Variants in IQGAP3 observed in about 807,000 individuals in gnomAD.
IQGAP3 encodes the protein IQ motif containing GTPase activating protein 3, also known as ras GTPase-activating-like protein IQGAP3.
IQGAP3 carries 165 observed loss-of-function variants against 208.2 expected under a neutral mutation model. The observed-to-expected ratio is 0.79, with a 90% confidence interval of 0.70 to 0.90. IQGAP3 has a LOEUF of 0.90. IQGAP3 is among the 40% of genes least tolerant of loss of function. IQGAP3 has a pLI of 0.00. For synonymous variants in IQGAP3, 703 were observed against 803.6 expected (o/e 0.87, Z 2.12); for missense variants, 1,811 against 2,043.1 (o/e 0.89, Z 2.19).
chr1:156,533,545 T>C (rs898434533), intron 31 of IQGAP3, among the ~76,000 whole-genome samples: 3 of 152,184 alleles, frequency 2.0e-5, no homozygotes, highest in Non-Finnish European at 2.9e-5. Flanking sequence ...TCAGATCATT[T>C]CATTGACCGT....
chr1:156,565,497 T>C (rs1309367495), intron 4 of IQGAP3, among the ~76,000 whole-genome samples: 1 of 152,198 alleles, frequency 6.6e-6, no homozygotes, highest in African/African-American at 2.4e-5. Context: ...TGCCTTCATT[T>C]GTATAGCTCT....
Position 156,564,840 on chromosome 1 carries a change from C to A in IQGAP3, c.361-149G>T, listed in dbSNP as rs528609146. The A allele has an allele frequency of 1.3e-4, 83 of 645,680 alleles. No individual in the cohort carries two copies. The African/African-American group carries it at 1.4e-3, about 11-fold the overall frequency. The allele number at this position is 645,680 out of a possible 1,614,324, so 40.0% of individuals were successfully genotyped here. A position where few individuals can be genotyped will look rare whatever the true frequency, so the allele number is the denominator to read the frequency against. Reference sequence around the variant, plus strand: ...GGTGTCTAGGTCAGTCTCCCCCAACCATTTCTAGTCAGCCTAGTATAAAAG... The same window carrying A: ...GGTGTCTAGGTCAGTCTCCCCCAACAATTTCTAGTCAGCCTAGTATAAAAG... On this transcript the variant is annotated intron_variant, in intron 4 of 37. Transcript: ENST00000361170.
chr1:156,552,793 G>T (rs114354620), intron 13 of IQGAP3, among the ~76,000 whole-genome samples: 2 of 152,218 alleles, frequency 1.3e-5, no homozygotes, highest in African/African-American at 2.4e-5. Flanking sequence ...AGATCAGATC[G>T]CTGGGCACGG....
rs775509630 is a variant in IQGAP3 at position 156,526,546 on chromosome 1, C to T, written c.4836G>A (p.Lys1612=). ...TGAGAAGGTTGACATTGACTTTGGC[C>T]TTGTTGAAGAGTTTCATGACAGCCA... ...EGVAVMKLFN[K]AKVNVNLLIF... Residue 1612 remains lysine, a synonymous_variant, in exon 38 of 38, where the codon AAG becomes AAA. Coordinates refer to ENST00000361170, the MANE Select transcript of IQGAP3 (RefSeq NM_178229.5). 1.2e-6 allele frequency: 2 copies of T among 1,614,076 alleles called. No individual in the cohort carries two copies. Among genetic ancestry groups the T allele is most frequent in the Admixed American group, 3.3e-5 (2 of 60,016 alleles).
At position 156,537,294 on chromosome 1, in the gene IQGAP3, C is replaced by T; in HGVS notation, c.3309G>A (p.Glu1103=). 1 of 1,613,790 alleles carries T rather than the reference C, an allele frequency of 6.2e-7. No homozygotes were observed. Among genetic ancestry groups the T allele is most frequent in the Non-Finnish European group, 8.5e-7 (1 of 1,179,856 alleles). ...RSHLPYDVTP[E]QALSHPEVQR... is the part of the protein sequence containing the mutation. ...GGACCTCGGGGTGGCTCAAGGCCTG[C>T]TCCGGGGTGACATCATATGGGAGAT... The change falls in exon 27 of 38, where the codon GAG becomes GAA. Residue 1103 remains glutamate (E), a synonymous_variant. Coordinates refer to ENST00000361170, the MANE Select transcript of IQGAP3 (RefSeq NM_178229.5).
chr1:156,535,501 A>G (rs1674648071), intron 27 of IQGAP3, among the ~76,000 whole-genome samples: 1 of 152,032 alleles, frequency 6.6e-6, no homozygotes, highest in South Asian at 2.1e-4. Flanking sequence ...AATCTCTCAC[A>G]CAGCCTCCAA....
chr1:156,534,475 G>T (rs1674586460), intron 29 of IQGAP3, 26 bp downstream of exon 29: 1 of 1,479,992 alleles, frequency 6.8e-7, no homozygotes, highest in Non-Finnish European at 9.2e-7. Flanking sequence ...GGAAGAAAGG[G>T]GACAGAGAGG....
chr1:156,546,666 T>C (rs1675257193), intron 19 of IQGAP3, among the ~76,000 whole-genome samples: 1 of 152,158 alleles, frequency 6.6e-6, no homozygotes, highest in Non-Finnish European at 1.5e-5. Flanking sequence ...GTGAGTACCA[T>C]CATTATGAAT....
Position 156,540,929 on chromosome 1 carries a change from G to C in IQGAP3, c.2531-13C>G, listed in dbSNP as rs369487701. ...TGGGGTGCATGCACTGGGAGGAAGG[G>C]AGGAGGCATCAGGATTAGCCATGCC... On this transcript the variant is annotated splice_polypyrimidine_tract_variant and intron_variant, in intron 22 of 37. Transcript: ENST00000361170. 50 of 1,610,062 alleles carry C rather than the reference G, an allele frequency of 3.1e-5. No homozygotes were observed. Among genetic ancestry groups the C allele is most frequent in the Non-Finnish European group, 4.0e-5 (47 of 1,177,178 alleles).
rs779762890 is a variant in IQGAP3, at chr1:156,551,974, G to C, written c.1570C>G (p.Arg524Gly). 6.2e-6 allele frequency: 10 copies of C among 1,613,602 alleles called. No individual in the cohort carries two copies. The South Asian group carries it at 9.9e-5, about 16-fold the overall frequency. Residue 524 changes from arginine (R) to glycine (G), a missense_variant and splice_region_variant, in exon 14 of 38, where the codon CGG becomes GGG. Transcript: ENST00000361170. ...VNAQTQEETD[R>G]VLAVSLINEA... The stretch of plus-strand genomic sequence containing the variant: ...CCACCCAGCTCCAGACTATACTTAC[G>C]GTCAGTCTCTTCCTGGGTCTGTGCA...
chr1:156,564,615 C>G lies in IQGAP3; in HGVS notation c.437G>C (p.Ser146Thr). 1.2e-6 allele frequency: 2 copies of G among 1,609,320 alleles called. No individual in the cohort carries two copies. Among genetic ancestry groups the G allele is most frequent in the Non-Finnish European group, 1.7e-6 (2 of 1,175,618 alleles). ...GATGATAAAATTTGAGGTCTCTCAC[C>G]TGAGAGCATGGATGCAGTAGACTAC... is the stretch of plus-strand genomic sequence containing the variant. ...PRVVYCIHAL[S>T]LFLFRLGLAP... Residue 146 changes from serine to threonine, a missense_variant and splice_region_variant, in exon 5 of 38, where the codon AGT (serine) becomes ACT (threonine). Physicochemically the swap from Ser to Thr is moderately conservative, Grantham distance 58. Transcript: ENST00000361170.
chr1:156,537,353 G>A, intron 26 of IQGAP3, 32 bp from the exon 27 acceptor site: 2 of 1,580,854 alleles, frequency 1.3e-6, no homozygotes, highest in Non-Finnish European at 1.7e-6. Flanking sequence ...GTGTAAGCAG[G>A]AGCCCCCTCC....
chr1:156,529,925 A>G (rs1448255615), intron 34 of IQGAP3, among the ~76,000 whole-genome samples, 180 bp downstream of exon 34: 3 of 148,440 alleles, frequency 2.0e-5, no homozygotes, highest in African/African-American at 7.8e-5. Flanking sequence ...TCAAAAAAAA[A>G]AAAAAAAAAG....
chr1:156,553,701 C>A (rs1172661302), intron 13 of IQGAP3, among the ~76,000 whole-genome samples: 1 of 151,578 alleles, frequency 6.6e-6, no homozygotes, highest in African/African-American at 2.4e-5. Flanking sequence ...CCTGCCTTAG[C>A]TCCCAGAGTA....
At chr1:156,550,215 C>T in intron 16 of IQGAP3, 46 bp downstream of exon 16, 1 of 1,361,188 alleles carries the variant, frequency 7.3e-7, no homozygotes. Context: ...GCTGAGCCCA[C>T]ATCACCATCC....
intron 26 of IQGAP3, 97 bp downstream of exon 26, chr1:156,538,712 T>A (rs1557924388): frequency 2.0e-6 from 2 of 1,018,840 alleles, no homozygotes; most frequent in Non-Finnish European, 1.5e-6. Context: ...ATATGCCACC[T>A]TCAAAGTACA....
chr1:156,571,650 T>A (rs1303234491), intron 1 of IQGAP3, among the ~76,000 whole-genome samples: 1 of 152,196 alleles, frequency 6.6e-6, no homozygotes, highest in African/African-American at 2.4e-5. Context: ...TGGGAGGGAT[T>A]TTGTACATAC....
chr1:156,551,628 G>C (rs1675549952), intron 15 of IQGAP3, 77 bp downstream of exon 15: 1 of 1,437,018 alleles, frequency 7.0e-7, no homozygotes, highest in African/African-American at 1.4e-5. Context: ...ATAGAGCTCT[G>C]CCAGACTGGG....
Position 156,572,362 on chromosome 1 carries a change from C to G in IQGAP3, c.37+131G>C, listed in dbSNP as rs1676683285. 3.1e-6 allele frequency: 3 copies of G among 982,286 alleles called. No individual in the cohort carries two copies. In the Admixed American group the frequency reaches 5.2e-5, roughly 17 times the overall value. The allele number at this position is 982,286 out of a possible 1,614,324, so 60.8% of individuals were successfully genotyped here. On this transcript the variant is annotated intron_variant, in intron 1 of 37. Coordinates refer to ENST00000361170, the MANE Select transcript of IQGAP3 (RefSeq NM_178229.5). Reference sequence around the variant, plus strand: ...GCGCCCGGGCTGAGGATTCCCGTCCCACTGAGCAGTCCCACCGCCCTCGCC... The same window carrying G: ...GCGCCCGGGCTGAGGATTCCCGTCCGACTGAGCAGTCCCACCGCCCTCGCC...
Sources: gnomAD v4.1 joint callset for allele counts (sites outside exome capture counted in the v4.1 genomes callset) on GRCh38, gnomAD v4.1.1 for gene constraint, MANE v1.5 for transcripts, NCBI Gene and HGNC (gene_info 2026-07-23, HGNC 2026-07-21) for gene names.